PRKG1: variants seen among roughly 807,000 people sequenced by gnomAD.
PRKG1 encodes the protein protein kinase cGMP-dependent 1.
A neutral mutation model predicts 88.1 loss-of-function variants in PRKG1; 35 were observed. The observed-to-expected ratio is 0.40, with a 90% confidence interval of 0.30 to 0.53. PRKG1 has a LOEUF of 0.53. Ranked by LOEUF, PRKG1 falls within the 20% of genes least tolerant of loss-of-function variation. PRKG1 has a pLI of 0.59. For missense variants in PRKG1, 540 were observed against 839.8 expected, an observed-to-expected ratio of 0.64 and a Z score of 4.41; for synonymous variants, 303 against 292.5, an observed-to-expected ratio of 1.04 and a Z score of -0.37.
At chr10:51,064,939 A>T (rs1271966344) in intron 1 of PRKG1, among the ~76,000 whole-genome samples, 5 of 152,122 alleles carry the variant, frequency 3.3e-5, no homozygotes, top group Non-Finnish European at 5.9e-5. Context: ...TATGTTAAGA[A>T]TTAAGTTAGT....
At chr10:51,122,329 C>T (rs9414823) in intron 1 of PRKG1, among the ~76,000 whole-genome samples, 76,175 of 151,906 alleles carry the variant, frequency 0.5, 20,427 homozygotes, top group East Asian at 0.71. Context: ...AGACATCCGT[C>T]TTACTGGGAT....
intron 4 of PRKG1, among the ~76,000 whole-genome samples, chr10:51,838,701 C>T (rs1306020262): frequency 6.6e-6 from 1 of 151,514 alleles, no homozygotes; most frequent in East Asian, 1.9e-4. Flanking sequence ...TTTTTTCTGC[C>T]TAAATTCTTG....
At chr10:51,008,567 A>G (rs1842962303) in intron 1 of PRKG1, among the ~76,000 whole-genome samples, 1 of 152,008 alleles carries the variant, frequency 6.6e-6, no homozygotes, top group Non-Finnish European at 1.5e-5. Flanking sequence ...TCATTTTCAC[A>G]TGGTTGTCTT....
chr10:51,125,502 G>T (rs972735144), intron 1 of PRKG1, among the ~76,000 whole-genome samples: 5 of 150,144 alleles, frequency 3.3e-5, no homozygotes, highest in Non-Finnish European at 5.9e-5. Flanking sequence ...GGCCAACATA[G>T]TGAAACCCTG....
At chr10:52,185,200 A>C (rs1359617751) in intron 9 of PRKG1, 3 of 152,256 alleles carry the variant, frequency 2.0e-5, no homozygotes, top group African/African-American at 7.2e-5. Context: ...CCCAAGATAC[A>C]ATGGTGGTAT....
chr10:51,203,520 T>C (rs933637053), intron 2 of PRKG1, among the ~76,000 whole-genome samples: 1 of 152,164 alleles, frequency 6.6e-6, no homozygotes, highest in Non-Finnish European at 1.5e-5. Context: ...CAAATGGAAT[T>C]TTCTAGGCAA....
At position 51,723,010 on chromosome 10, in the gene PRKG1, A is replaced by G. The variant is rs1428276967; in HGVS notation, c.593-81575A>G. On this transcript the variant is annotated intron_variant, in intron 3 of 17. Transcript: ENST00000373980. Reference sequence around the variant, plus strand: ...CTTTGTTTAGAAGTTTTCTTTCATGAAAGTATGATAACATCAGGTTTTGGC... The same window carrying G: ...CTTTGTTTAGAAGTTTTCTTTCATGGAAGTATGATAACATCAGGTTTTGGC... Among the ~76,000 whole-genome samples, 3 of 152,212 alleles carry G rather than the reference A, an allele frequency of 2.0e-5. No individual in the cohort carries two copies. In the East Asian group the frequency reaches 5.8e-4, roughly 29 times the overall value.
intron 5 of PRKG1, among the ~76,000 whole-genome samples, chr10:52,023,617 A>G (rs1052359212): frequency 6.6e-6 from 1 of 152,180 alleles, no homozygotes; most frequent in Non-Finnish European, 1.5e-5. Context: ...TCTAACTGGT[A>G]TGAGATGGTA....
chr10:52,119,745 C>T (rs1242837879), intron 7 of PRKG1, among the ~76,000 whole-genome samples: 1 of 152,140 alleles, frequency 6.6e-6, no homozygotes, highest in Non-Finnish European at 1.5e-5. Flanking sequence ...TAAGTGAATA[C>T]CACAGACCAG....
intron 5 of PRKG1, among the ~76,000 whole-genome samples, chr10:52,048,652 C>T (rs892237285): frequency 3.3e-5 from 5 of 152,054 alleles, no homozygotes; most frequent in African/African-American, 1.2e-4. Context: ...AACGCAAAGG[C>T]ACACAATATT....
rs954910617 is a variant in PRKG1, at chr10:52,054,454, A to G, written c.763-30A>G. On this transcript the variant is annotated intron_variant, in intron 5 of 17. Coordinates refer to ENST00000373980, the MANE Select transcript of PRKG1 (RefSeq NM_006258.4). ...TGTTTGGTAACTTACTGCTTGCTTA[A>G]TTTTTTTTCTTATTGTTTCTACTTT... 4 of 1,566,858 alleles carry G rather than the reference A, an allele frequency of 2.6e-6. No individual in the cohort carries two copies. The African/African-American group carries it at 4.1e-5, about 16-fold the overall frequency.
intron 2 of PRKG1, among the ~76,000 whole-genome samples, chr10:51,217,240 A>T (rs1838396136): frequency 6.6e-6 from 1 of 152,182 alleles, no homozygotes; most frequent in South Asian, 2.1e-4. Flanking sequence ...ACCTGGAAAT[A>T]TTCTCTGAGT....
intron 9 of PRKG1, among the ~76,000 whole-genome samples, chr10:52,170,630 T>C (rs1193962238): frequency 2.0e-5 from 3 of 152,210 alleles, no homozygotes; most frequent in Admixed American, 6.5e-5. Flanking sequence ...GGCTCTTTGA[T>C]GGAATAGTCC....
rs7919426 is a variant in PRKG1, at chr10:51,160,504, C to A, written c.478+7174C>A. ...AAACTTCAAATTTGTTAAATAATAT[C>A]AAATTACTTTCCAAAGTGGTTTTAT... On this transcript the variant is annotated intron_variant, in intron 2 of 17. Transcript: ENST00000373980. Among the ~76,000 whole-genome samples, 1,169 of 152,218 alleles carry A rather than the reference C, an allele frequency of 7.7e-3. 19 individuals are homozygous for A. The highest frequency in any genetic ancestry group is 0.027 in the African/African-American group (1,119 of 41,522).
chr10:51,124,175 A>G (rs143926308), intron 1 of PRKG1, among the ~76,000 whole-genome samples: 115 of 152,272 alleles, frequency 7.6e-4, no homozygotes, highest in Middle Eastern at 3.4e-3. Flanking sequence ...AACCTGATCA[A>G]GCTACTATCC....
At chr10:51,747,114 A>G (rs1837601401) in intron 3 of PRKG1, among the ~76,000 whole-genome samples, 1 of 152,200 alleles carries the variant, frequency 6.6e-6, no homozygotes, top group African/African-American at 2.4e-5. Flanking sequence ...AGCATTTCCA[A>G]GAGTGGAGAG....
chr10:51,016,673 CTTTT>C lies in PRKG1; in HGVS notation c.266+25045_266+25048del, dbSNP rs71029341. On this transcript the variant is annotated intron_variant, in intron 1 of 17. Coordinates refer to the PRKG1 transcript ENST00000401604. The stretch of plus-strand genomic sequence containing the variant: ...AGTGAAGAAGGTATTATTATCCTTT[CTTTT>C]TTTTTTTTTTTTTTTGGAATCTTGC... Among the ~76,000 whole-genome samples, 64 of 35,190 alleles carry C rather than the reference CTTTT, an allele frequency of 1.8e-3. 5 individuals are homozygous for C. The highest frequency in any genetic ancestry group is 7.6e-3 in the African/African-American group (54 of 7,088). 23.1% of individuals were successfully genotyped at this position (35,190 alleles called of 152,430 possible). A position where few individuals can be genotyped will look rare whatever the true frequency, so the allele number is the denominator to read the frequency against.
intron 3 of PRKG1, among the ~76,000 whole-genome samples, chr10:51,693,123 A>G (rs1219436132): frequency 1.3e-5 from 2 of 151,768 alleles, no homozygotes; most frequent in African/African-American, 4.8e-5. Context: ...CCCCGTCTCT[A>G]CTAAAACTAC....
At chr10:51,801,643 A>G (rs781403535) in intron 3 of PRKG1, among the ~76,000 whole-genome samples, 11 of 152,194 alleles carry the variant, frequency 7.2e-5, no homozygotes, top group Non-Finnish European at 1.2e-4. Flanking sequence ...GTTGAACAAC[A>G]GATGAATTCC....
Sources: gnomAD v4.1 joint callset for allele counts (sites outside exome capture counted in the v4.1 genomes callset) on GRCh38, gnomAD v4.1.1 for gene constraint, MANE v1.5 for transcripts, NCBI Gene and HGNC (gene_info 2026-07-23, HGNC 2026-07-21) for gene names.